Variants in ASXL2 observed in about 807,000 individuals in gnomAD.
ASXL2 encodes ASXL transcriptional regulator 2.
A neutral mutation model predicts 122.0 loss-of-function variants in ASXL2; 23 were observed. The observed-to-expected ratio is 0.19, with a 90% CI of 0.14 to 0.27. The LOEUF is 0.27. Ranked by LOEUF, ASXL2 falls within the 10% of genes least tolerant of loss-of-function variation. ASXL2 has a pLI of 1.00. For synonymous variants in ASXL2, 650 were observed against 637.0 expected, an observed-to-expected ratio of 1.02 and a Z score of -0.31; for missense variants, 1,518 against 1,713.8, an observed-to-expected ratio of 0.89 and a Z score of 2.02.
chr2:25,856,363 CTTTTTTT>C (rs70950127), intron 1 of ASXL2: 76 of 235,812 alleles, frequency 3.2e-4, no homozygotes, highest in African/African-American at 1.6e-3. Context: ...CTGGCCTATA[CTTTTTTT>C]TTTTTTTTTT....
At chr2:25,844,898 A>G (rs1024056197) in intron 2 of ASXL2, among the ~76,000 whole-genome samples, 10 of 152,228 alleles carry the variant, frequency 6.6e-5, no homozygotes, top group African/African-American at 2.4e-4. Flanking sequence ...CAGCCTCCCA[A>G]ACAGCTGCGA....
At chr2:25,755,394 C>T (rs71439193) in intron 10 of ASXL2, among the ~76,000 whole-genome samples, 1 of 152,124 alleles carries the variant, frequency 6.6e-6, no homozygotes, top group South Asian at 2.1e-4. Context: ...AGTGCCCACA[C>T]ACAATCAGTC....
intron 1 of ASXL2, among the ~76,000 whole-genome samples, chr2:25,847,031 C>T (rs906093033): frequency 2.6e-5 from 4 of 152,126 alleles, no homozygotes; most frequent in South Asian, 2.1e-4. Flanking sequence ...CAGATATATA[C>T]GTATATTTCA....
At chr2:25,849,144 A>C (rs2089687942) in intron 1 of ASXL2, among the ~76,000 whole-genome samples, 1 of 143,832 alleles carries the variant, frequency 7.0e-6, no homozygotes, top group Non-Finnish European at 1.5e-5. Flanking sequence ...ATTTAGAATT[A>C]GTTTTTTTTT....
intron 1 of ASXL2, among the ~76,000 whole-genome samples, chr2:25,873,665 CT>C (rs2089983230): frequency 1.3e-5 from 2 of 151,098 alleles, no homozygotes; most frequent in African/African-American, 2.4e-5. Context: ...AAAAAAACTA[CT>C]TCTTCAGTCT....
At chr2:25,837,985 G>T (rs1214681797) in intron 2 of ASXL2, among the ~76,000 whole-genome samples, 1 of 149,212 alleles carries the variant, frequency 6.7e-6, no homozygotes, top group Non-Finnish European at 1.5e-5. Context: ...CAAAAAATTA[G>T]CCAAGCACGG....
intron 3 of ASXL2, among the ~76,000 whole-genome samples, chr2:25,827,265 G>A (rs778958677): frequency 6.6e-6 from 1 of 151,916 alleles, no homozygotes; most frequent in Non-Finnish European, 1.5e-5. Flanking sequence ...ATGAACTCTC[G>A]AAATTTAATA....
chr2:25,849,689 C>T (rs1204594219), intron 1 of ASXL2, among the ~76,000 whole-genome samples: 1 of 151,544 alleles, frequency 6.6e-6, no homozygotes, highest in Non-Finnish European at 1.5e-5. Context: ...TTGCCCAGGC[C>T]GGTCTCGAAC....
intron 3 of ASXL2, among the ~76,000 whole-genome samples, chr2:25,834,417 A>C (rs1328079128): frequency 6.6e-6 from 1 of 152,162 alleles, no homozygotes; most frequent in African/African-American, 2.4e-5. Context: ...AACATAACAC[A>C]AAACAAAATA....
chr2:25,818,558 G>A (rs748566288), intron 3 of ASXL2, among the ~76,000 whole-genome samples: 1 of 152,146 alleles, frequency 6.6e-6, no homozygotes, highest in African/African-American at 2.4e-5. Context: ...GCTGTTCTTG[G>A]AGGAATTAAA....
In ASXL2 at chr2:25,767,872, C is replaced by T. The variant is rs553529332; in HGVS notation, c.632-146G>A. The T allele has an allele frequency of 4.3e-6, 4 of 938,202 alleles. No homozygotes were observed. In the African/African-American group the frequency reaches 6.7e-5, roughly 16 times the overall value. The allele number at this position is 938,202 out of a possible 1,614,324, so 58.1% of individuals were successfully genotyped here. On this transcript the variant is annotated intron_variant, in intron 7 of 12. Coordinates refer to ENST00000435504, the MANE Select transcript of ASXL2 (RefSeq NM_018263.6). ...GTGTTTTGAGTTTGAAAATTAAAGT[C>T]AAAGAGTAAAATAAAACCCTGTTTT...
intron 2 of ASXL2, among the ~76,000 whole-genome samples, chr2:25,842,472 CTTTA>C (rs948401733): frequency 6.6e-5 from 10 of 151,962 alleles, no homozygotes; most frequent in East Asian, 1.9e-4. Flanking sequence ...TTTTAATAAT[CTTTA>C]TTTATTTACT....
At chr2:25,783,611 T>TCAA (rs2088683218) in intron 5 of ASXL2, among the ~76,000 whole-genome samples, 2 of 152,150 alleles carry the variant, frequency 1.3e-5, no homozygotes, top group African/African-American at 4.8e-5. Context: ...TTGTCCTTAT[T>TCAA]GACAGGAGGT....
intron 8 of ASXL2, 104 bp from the exon 9 acceptor site, chr2:25,759,749 T>A: frequency 1.7e-6 from 2 of 1,160,356 alleles, no homozygotes; most frequent in Non-Finnish European, 2.4e-6. Flanking sequence ...TGTAAGCATT[T>A]AAATATCACA....
intron 5 of ASXL2, among the ~76,000 whole-genome samples, chr2:25,773,523 G>A (rs957379175): frequency 1.3e-5 from 2 of 151,866 alleles, no homozygotes; most frequent in Non-Finnish European, 2.9e-5. Context: ...AAAATTAGCT[G>A]GGTGTGGTGG....
chr2:25,853,191 A>G (rs2089737629), intron 1 of ASXL2, among the ~76,000 whole-genome samples: 1 of 152,218 alleles, frequency 6.6e-6, no homozygotes, highest in Non-Finnish European at 1.5e-5. Flanking sequence ...CTCAAGAACA[A>G]AATGAATTCA....
chr2:25,746,243 A>G (rs1401664135), intron 12 of ASXL2, among the ~76,000 whole-genome samples: 2 of 152,200 alleles, frequency 1.3e-5, no homozygotes, highest in East Asian at 3.8e-4. Flanking sequence ...CATTTCTCAA[A>G]AGGTCAGTAG....
chr2:25,759,770 G>A (rs2088208547), intron 8 of ASXL2, 125 bp from the exon 9 acceptor site: 12 of 963,130 alleles, frequency 1.2e-5, no homozygotes, highest in South Asian at 4.5e-5. Flanking sequence ...CTACGAAGAA[G>A]GTAACACTTA....
intron 3 of ASXL2, among the ~76,000 whole-genome samples, chr2:25,823,921 A>T (rs2089344535): frequency 6.6e-6 from 1 of 152,054 alleles, no homozygotes; most frequent in African/African-American, 2.4e-5. Flanking sequence ...TTTTTAATTG[A>T]GGAAAAATTT....
Sources: gnomAD v4.1 joint callset for allele counts (sites outside exome capture counted in the v4.1 genomes callset) on GRCh38, gnomAD v4.1.1 for gene constraint, MANE v1.5 for transcripts, NCBI Gene and HGNC (gene_info 2026-07-23, HGNC 2026-07-21) for gene names.